The following PLEKHA5 variants were observed in gnomAD, a reference collection of about 807,000 sequenced individuals.
PLEKHA5 encodes the protein pleckstrin homology domain-containing family A member 5.
In PLEKHA5, 55 loss-of-function variants were observed where a neutral mutation model predicts 181.9. The observed-to-expected ratio is 0.30, with a 90% CI of 0.24 to 0.38. PLEKHA5 has a LOEUF of 0.38. Ranked by LOEUF, PLEKHA5 falls within the 10% of genes least tolerant of loss-of-function variation. The pLI is 1.00. For synonymous variants in PLEKHA5, 535 were observed against 529.4 expected (o/e 1.01, Z -0.15); for missense variants, 1,432 against 1,549.5 (o/e 0.92, Z 1.27).
At chr12:19,272,896 T>G (rs189396923) in intron 10 of PLEKHA5, among the ~76,000 whole-genome samples, 1 of 152,186 alleles carries the variant, frequency 6.6e-6, no homozygotes. Flanking sequence ...AGTGTAAATG[T>G]TCTATGCCTT....
At chr12:19,342,659 C>A (rs1480796861) in intron 21 of PLEKHA5, among the ~76,000 whole-genome samples, 1 of 152,216 alleles carries the variant, frequency 6.6e-6, no homozygotes, top group South Asian at 2.1e-4. Flanking sequence ...GTGCCGTAAT[C>A]CCCACTACTG....
intron 29 of PLEKHA5, among the ~76,000 whole-genome samples, chr12:19,363,708 C>T (rs1592646049): frequency 4.6e-5 from 7 of 151,628 alleles, no homozygotes; most frequent in Admixed American, 3.3e-4. Context: ...GCCAGGCTGG[C>T]CTCAAATTCC....
At chr12:19,208,483 G>A (rs1401356201) in intron 3 of PLEKHA5, among the ~76,000 whole-genome samples, 5 of 151,940 alleles carry the variant, frequency 3.3e-5, no homozygotes, top group African/African-American at 1.2e-4. Flanking sequence ...CATACTCATG[G>A]ACGTAGAATA....
At chr12:19,219,145 C>T (rs1057440561) in intron 3 of PLEKHA5, among the ~76,000 whole-genome samples, 1 of 151,934 alleles carries the variant, frequency 6.6e-6, no homozygotes, top group African/African-American at 2.4e-5. Flanking sequence ...GCAAAATCTG[C>T]ATATACTAAG....
Position 19,145,569 on chromosome 12 carries a change from CT to C in PLEKHA5, c.227+13123del, listed in dbSNP as rs879380236. Among the ~76,000 whole-genome samples the C allele has an allele frequency of 1.4e-4, 21 of 152,106 alleles. 1 individual carries two copies. In the South Asian group the frequency reaches 1.9e-3, roughly 14 times the overall value. ...TTTTTATTTAATAAATATCTTAGGTCTTTTCATAGTACTGGTTAAAGGTCAA... is the reference window on the plus strand; with the variant it reads ...TTTTTATTTAATAAATATCTTAGGTCTTTCATAGTACTGGTTAAAGGTCAA... On this transcript the variant is annotated intron_variant, in intron 3 of 31. Coordinates refer to ENST00000429027, the MANE Select transcript of PLEKHA5 (RefSeq NM_001256470.2).
At chr12:19,302,905 AATTTTTTTTTTTTTTTTT>A (rs1477845239) in intron 15 of PLEKHA5, among the ~76,000 whole-genome samples, 1 of 106,606 alleles carries the variant, frequency 9.4e-6, no homozygotes, top group African/African-American at 3.8e-5. Context: ...TTCTGTATGA[AATTTTTTTTTTTTTTTTT>A]TTTTTTTTTT....
At chr12:19,227,201 T>C (rs1341362519) in intron 3 of PLEKHA5, among the ~76,000 whole-genome samples, 1 of 152,146 alleles carries the variant, frequency 6.6e-6, no homozygotes, top group East Asian at 1.9e-4. Context: ...TGATAGACCA[T>C]TCTTGGTGCC....
intron 7 of PLEKHA5, among the ~76,000 whole-genome samples, chr12:19,265,036 G>T (rs1247650220): frequency 1.3e-5 from 2 of 152,142 alleles, no homozygotes; most frequent in East Asian, 3.8e-4. Context: ...TTGCCTTGTA[G>T]GCCTGTAATT....
chr12:19,170,449 C>CA (rs1591908815), intron 3 of PLEKHA5, among the ~76,000 whole-genome samples: 1 of 145,696 alleles, frequency 6.9e-6, no homozygotes, highest in East Asian at 2.0e-4. Context: ...TTTTTGGAGA[C>CA]AGAGTCTCCC....
chr12:19,260,834 TG>T (rs1326331918), intron 6 of PLEKHA5, 114 bp from the exon 7 acceptor site: 48 of 557,998 alleles, frequency 8.6e-5, no homozygotes, highest in African/African-American at 1.9e-5. Flanking sequence ...CACTCCAGCC[TG>T]GGCAACAAGA....
intron 28 of PLEKHA5, 26 bp from the exon 29 acceptor site, chr12:19,361,551 TGAAAA>T (rs777348401): frequency 1.8e-6 from 2 of 1,139,394 alleles, no homozygotes; most frequent in Non-Finnish European, 2.6e-6. Context: ...AAGAATTCTT[TGAAAA>T]GAAAATTTTT....
chr12:19,180,794 GTTT>G (rs5796792), intron 3 of PLEKHA5, among the ~76,000 whole-genome samples: 1 of 145,264 alleles, frequency 6.9e-6, no homozygotes, highest in Non-Finnish European at 1.5e-5. Context: ...AAAATATAGT[GTTT>G]TTTTTTTTTT....
intron 3 of PLEKHA5, among the ~76,000 whole-genome samples, chr12:19,210,853 A>G (rs2056755568): frequency 6.6e-6 from 1 of 152,164 alleles, no homozygotes. Context: ...CTGATTGGTC[A>G]GAGACATTGT....
intron 8 of PLEKHA5, among the ~76,000 whole-genome samples, chr12:19,267,645 G>GT: frequency 7.5e-6 from 1 of 134,064 alleles, no homozygotes; most frequent in Non-Finnish European, 1.6e-5. Context: ...GGGCGACAGA[G>GT]TAAGACTCCC....
intron 3 of PLEKHA5, among the ~76,000 whole-genome samples, chr12:19,212,437 C>T (rs575101211): frequency 1.3e-5 from 2 of 152,318 alleles, no homozygotes; most frequent in South Asian, 4.1e-4. Context: ...AATCCCAACA[C>T]TCAGAGGCCG....
chr12:19,343,285 T>G, intron 21 of PLEKHA5, 38 bp from the exon 22 acceptor site: 1 of 1,223,976 alleles, frequency 8.2e-7, no homozygotes, highest in Non-Finnish European at 1.2e-6. Flanking sequence ...GTGAATGATT[T>G]TTTTTCTTAT....
intron 11 of PLEKHA5, among the ~76,000 whole-genome samples, chr12:19,282,093 T>C (rs1351355956): frequency 6.6e-6 from 1 of 152,204 alleles, no homozygotes; most frequent in Non-Finnish European, 1.5e-5. Flanking sequence ...AAAGTGGTTT[T>C]TTTAAAAATA....
chr12:19,185,992 T>G (rs1366193813), intron 3 of PLEKHA5, among the ~76,000 whole-genome samples: 2 of 152,184 alleles, frequency 1.3e-5, no homozygotes, highest in East Asian at 3.9e-4. Context: ...TGGATTGCAT[T>G]TCATTTGTTA....
At chr12:19,283,100 T>TTG (rs2076519658) in intron 11 of PLEKHA5, among the ~76,000 whole-genome samples, 180 bp from the exon 12 acceptor site, 1 of 118,346 alleles carries the variant, frequency 8.4e-6, no homozygotes, top group South Asian at 2.9e-4. Context: ...TGAGCCGAGA[T>TTG]CACGCCATTG....
Sources: allele counts gnomAD v4.1 joint callset (sites outside exome capture counted in the v4.1 genomes callset), GRCh38; gene constraint gnomAD v4.1.1; transcripts MANE v1.5; gene names NCBI Gene and HGNC (gene_info 2026-07-23, HGNC 2026-07-21).